SGIP1: variants seen among roughly 807,000 people sequenced by gnomAD.
SGIP1 encodes SH3-containing GRB2-like protein 3-interacting protein 1.
Under a neutral mutation model 107.5 loss-of-function variants are expected in SGIP1, and 38 were observed. The observed-to-expected ratio is 0.35, with a 90% CI of 0.27 to 0.46. SGIP1 has a LOEUF of 0.46. SGIP1 is among the 20% of genes least tolerant of loss of function. The probability of loss-of-function intolerance (pLI) is 1.00; values close to 1 mark genes in which losing one functional copy is unlikely to be tolerated. For missense variants in SGIP1, 929 were observed against 1,019.5 expected (o/e 0.91, Z 1.21); for synonymous variants, 365 against 366.1 (o/e 1.00, Z 0.03).
intron 18 of SGIP1, among the ~76,000 whole-genome samples, chr1:66,714,792 G>T (rs967529869): frequency 6.6e-6 from 1 of 151,966 alleles, no homozygotes; most frequent in Non-Finnish European, 1.5e-5. Context: ...TTGAACTCTG[G>T]TCTCCAGAGT....
chr1:66,616,987 G>T (rs570736449), intron 1 of SGIP1, among the ~76,000 whole-genome samples: 7 of 152,090 alleles, frequency 4.6e-5, no homozygotes, highest in African/African-American at 9.7e-5. Flanking sequence ...CTCCCAAAAG[G>T]TTCAGTGCTC....
intron 1 of SGIP1, among the ~76,000 whole-genome samples, chr1:66,586,472 A>G (rs1312900597): frequency 6.6e-6 from 1 of 152,064 alleles, no homozygotes; most frequent in Non-Finnish European, 1.5e-5. Flanking sequence ...TTTTAAGTGT[A>G]TCTCATTGCA....
At chr1:66,623,692 C>T (rs1022985967) in intron 1 of SGIP1, among the ~76,000 whole-genome samples, 1 of 152,266 alleles carries the variant, frequency 6.6e-6, no homozygotes, top group South Asian at 2.1e-4. Flanking sequence ...AGTAAAGCTA[C>T]AGATATAGGC....
chr1:66,588,627 T>C (rs926463435), intron 1 of SGIP1, among the ~76,000 whole-genome samples: 2 of 149,432 alleles, frequency 1.3e-5, no homozygotes, highest in Non-Finnish European at 3.0e-5. Flanking sequence ...TTTCACTCTT[T>C]CTAGTTAGTT....
intron 21 of SGIP1, 104 bp downstream of exon 21, chr1:66,733,984 T>C: frequency 7.9e-7 from 1 of 1,269,920 alleles, no homozygotes; most frequent in Non-Finnish European, 1.0e-6. Flanking sequence ...CTTTTAACAG[T>C]ATTTAAAAGC....
At chr1:66,673,857 C>T (rs2084501203) in intron 12 of SGIP1, among the ~76,000 whole-genome samples, 1 of 152,090 alleles carries the variant, frequency 6.6e-6, no homozygotes, top group Non-Finnish European at 1.5e-5. Flanking sequence ...CCAGGAATGA[C>T]CTTGAATCAT....
At chr1:66,631,083 G>GAAAGAAAGA (rs2074527997) in intron 2 of SGIP1, among the ~76,000 whole-genome samples, 1 of 138,472 alleles carries the variant, frequency 7.2e-6, no homozygotes, top group African/African-American at 2.6e-5. Context: ...AAGAAAGAAA[G>GAAAGAAAGA]AAAGAAAGAA....
At chr1:66,606,711 G>T (rs1002266115) in intron 1 of SGIP1, among the ~76,000 whole-genome samples, 1 of 152,140 alleles carries the variant, frequency 6.6e-6, no homozygotes, top group Non-Finnish European at 1.5e-5. Flanking sequence ...AGCATAGCTG[G>T]GTTGTCTCTG....
intron 1 of SGIP1, among the ~76,000 whole-genome samples, chr1:66,598,424 G>A (rs2065130336): frequency 6.6e-6 from 1 of 152,176 alleles, no homozygotes; most frequent in Non-Finnish European, 1.5e-5. Context: ...TCTGTCAGAT[G>A]CTGAATGAGC....
intron 7 of SGIP1, among the ~76,000 whole-genome samples, chr1:66,656,282 G>A (rs1328710730): frequency 6.6e-6 from 1 of 152,184 alleles, no homozygotes; most frequent in African/African-American, 2.4e-5. Flanking sequence ...CTCCTCTGGT[G>A]ACAATGCCTT....
At chr1:66,564,955 G>A (rs2059444538) in intron 1 of SGIP1, among the ~76,000 whole-genome samples, 1 of 151,904 alleles carries the variant, frequency 6.6e-6, no homozygotes, top group South Asian at 2.1e-4. Flanking sequence ...ACCCTGTGGG[G>A]CTTATAATGA....
chr1:66,618,135 T>C (rs1233430174), intron 1 of SGIP1, among the ~76,000 whole-genome samples: 1 of 152,224 alleles, frequency 6.6e-6, no homozygotes, highest in African/African-American at 2.4e-5. Context: ...TGTCTATTAA[T>C]TTTTTTATGA....
chr1:66,544,916 C>T (rs970276415), intron 1 of SGIP1, among the ~76,000 whole-genome samples: 4 of 152,134 alleles, frequency 2.6e-5, no homozygotes, highest in Non-Finnish European at 5.9e-5. Flanking sequence ...TTCTTGTGCA[C>T]TAATTTGAAG....
intron 20 of SGIP1, among the ~76,000 whole-genome samples, chr1:66,731,363 C>T (rs1203021238): frequency 2.0e-5 from 3 of 152,108 alleles, no homozygotes; most frequent in Non-Finnish European, 4.4e-5. Context: ...ATAGTTACAG[C>T]TTTTGTTGCA....
intron 17 of SGIP1, among the ~76,000 whole-genome samples, chr1:66,693,363 T>C (rs1191601217): frequency 6.6e-6 from 1 of 152,110 alleles, no homozygotes; most frequent in Non-Finnish European, 1.5e-5. Flanking sequence ...CCTATCAATA[T>C]TATGAGGATA....
At chr1:66,551,511 A>G (rs1346514243) in intron 1 of SGIP1, among the ~76,000 whole-genome samples, 1 of 152,154 alleles carries the variant, frequency 6.6e-6, no homozygotes, top group Non-Finnish European at 1.5e-5. Flanking sequence ...CCAACTTTAT[A>G]TTAATACTTT....
chr1:66,674,203 A>G (rs148726781), intron 12 of SGIP1, among the ~76,000 whole-genome samples: 1 of 152,248 alleles, frequency 6.6e-6, no homozygotes, highest in Admixed American at 6.5e-5. Context: ...CTACTGAAGA[A>G]ATATCTTTAT....
chr1:66,647,192 C>T (rs1000894428), intron 7 of SGIP1, among the ~76,000 whole-genome samples: 2 of 152,154 alleles, frequency 1.3e-5, no homozygotes, highest in African/African-American at 4.8e-5. Context: ...TTCAGAAACC[C>T]AGGAATTTTC....
chr1:66,689,055 A>G (rs113054758), intron 15 of SGIP1, 93 bp from the exon 16 acceptor site: 3 of 1,450,928 alleles, frequency 2.1e-6, no homozygotes, highest in Non-Finnish European at 9.1e-7. Flanking sequence ...GGCAAAAAAA[A>G]AAAAAAAAAT....
Sources: allele counts gnomAD v4.1 joint callset (sites outside exome capture counted in the v4.1 genomes callset), GRCh38; gene constraint gnomAD v4.1.1; transcripts MANE v1.5; gene names NCBI Gene and HGNC (gene_info 2026-07-23, HGNC 2026-07-21).